DENND5A: variants seen among roughly 807,000 people sequenced by gnomAD.
DENND5A encodes the protein DENN domain containing 5A, also known as DENN domain-containing protein 5A.
A neutral mutation model predicts 140.3 loss-of-function variants in DENND5A; 64 were observed. The observed-to-expected ratio is 0.46, with a 90% CI of 0.37 to 0.56. The LOEUF is 0.56. DENND5A is among the 20% of genes least tolerant of loss of function. DENND5A has a pLI of 0.00. For synonymous variants in DENND5A, 605 were observed against 607.7 expected (o/e 1.00, Z 0.07); for missense variants, 1,292 against 1,593.8 (o/e 0.81, Z 3.22).
chr11:9,152,335 C>T lies in DENND5A; in HGVS notation c.2521+23G>A, dbSNP rs188286487. ...TGGAAAAGTGGAGAGAGGGCAGACT[C>T]TCCATTGCAGAGACTATCTTACCTG... On this transcript the variant is annotated intron_variant, in intron 13 of 22. Coordinates refer to ENST00000328194, the MANE Select transcript of DENND5A (RefSeq NM_015213.4). The T allele has an allele frequency of 4.3e-5, 66 of 1,544,384 alleles. No homozygotes were observed. In the African/African-American group the frequency reaches 7.6e-4, roughly 18 times the overall value.
chr11:9,206,596 T>A, intron 3 of DENND5A, 77 bp downstream of exon 3: 1 of 1,043,992 alleles, frequency 9.6e-7, no homozygotes, highest in Non-Finnish European at 1.5e-6. Flanking sequence ...GCACCACTGC[T>A]ACCACAGCCT....
At chr11:9,139,945 C>T in intron 22 of DENND5A, 91 bp from the exon 23 acceptor site, 1 of 1,329,312 alleles carries the variant, frequency 7.5e-7, no homozygotes, top group East Asian at 2.4e-5. Flanking sequence ...AAACCATGAA[C>T]TAAGTCTGAA....
chr11:9,259,755 G>A (rs956192368), intron 1 of DENND5A, among the ~76,000 whole-genome samples: 1 of 152,050 alleles, frequency 6.6e-6, no homozygotes, highest in Non-Finnish European at 1.5e-5. Flanking sequence ...CAGGCCAGGC[G>A]AAGCGGCTCA....
intron 12 of DENND5A, among the ~76,000 whole-genome samples, chr11:9,157,906 T>C (rs1390306491): frequency 6.6e-6 from 1 of 152,244 alleles, no homozygotes; most frequent in East Asian, 1.9e-4. Context: ...TTATTTAAAG[T>C]CATCCAGTGG....
At chr11:9,263,377 C>T (rs1280233310) in intron 1 of DENND5A, among the ~76,000 whole-genome samples, 1 of 151,548 alleles carries the variant, frequency 6.6e-6, no homozygotes, top group Non-Finnish European at 1.5e-5. Flanking sequence ...CGCGCCACGA[C>T]GCCCGGCTAA....
At chr11:9,207,963 C>T (rs925403816) in intron 1 of DENND5A, among the ~76,000 whole-genome samples, 2 of 152,102 alleles carry the variant, frequency 1.3e-5, no homozygotes, top group Non-Finnish European at 2.9e-5. Flanking sequence ...ACTATAAAGT[C>T]ACTAGTGCTT....
intron 12 of DENND5A, among the ~76,000 whole-genome samples, chr11:9,154,507 C>T (rs780028006): frequency 6.6e-6 from 1 of 151,802 alleles, no homozygotes; most frequent in South Asian, 2.1e-4. Context: ...TGTTTCTATT[C>T]ACAAACTTGA....
chr11:9,185,215 A>C (rs1848869167), intron 5 of DENND5A, among the ~76,000 whole-genome samples: 1 of 152,024 alleles, frequency 6.6e-6, no homozygotes, highest in Non-Finnish European at 1.5e-5. Context: ...CCCAATTATC[A>C]ATCTTTTATT....
intron 1 of DENND5A, among the ~76,000 whole-genome samples, chr11:9,228,031 T>C (rs1047309543): frequency 4.2e-5 from 6 of 141,480 alleles, no homozygotes; most frequent in Non-Finnish European, 9.0e-5. Flanking sequence ...GAGAATCATT[T>C]GAACCCAGGA....
intron 1 of DENND5A, among the ~76,000 whole-genome samples, chr11:9,239,242 C>T (rs1048893426): frequency 1.1e-4 from 16 of 151,666 alleles, no homozygotes; most frequent in African/African-American, 2.4e-4. Context: ...ACGTTGCCCA[C>T]GCTGGACTCA....
intron 20 of DENND5A, chr11:9,143,073 GGAGATTCT>G (rs1847300573): frequency 6.5e-6 from 4 of 612,976 alleles, no homozygotes; most frequent in Non-Finnish European, 1.1e-5. Context: ...TCACACACAA[GGAGATTCT>G]CCACTGGAGG....
intron 17 of DENND5A, 114 bp downstream of exon 17, chr11:9,145,556 C>T: frequency 8.6e-7 from 1 of 1,164,374 alleles, no homozygotes; most frequent in Non-Finnish European, 1.2e-6. Context: ...GTCAGCTATG[C>T]TGAAGCATTA....
intron 1 of DENND5A, among the ~76,000 whole-genome samples, chr11:9,220,623 TGGCTCAC>T (rs1482509091): frequency 2.0e-5 from 3 of 151,782 alleles, no homozygotes; most frequent in African/African-American, 7.3e-5. Flanking sequence ...CGGGCACAGG[TGGCTCAC>T]ACCTATAATC....
In DENND5A at chr11:9,206,467, A is replaced by C. The variant is rs546470506; in HGVS notation, c.291+206T>G. The stretch of plus-strand genomic sequence containing the variant: ...TATGTATTTCTCTGACACAACAGAA[A>C]CACATTATAACTTTTAGCATATTTA... On this transcript the variant is annotated intron_variant, in intron 3 of 22. Coordinates refer to ENST00000328194, the MANE Select transcript of DENND5A (RefSeq NM_015213.4). Among the ~76,000 whole-genome samples the C allele has an allele frequency of 1.1e-4, 16 of 152,330 alleles. 2 individuals are homozygous for C. In the South Asian group the frequency reaches 3.1e-3, roughly 30 times the overall value.
intron 4 of DENND5A, among the ~76,000 whole-genome samples, chr11:9,199,533 A>C (rs1257142791): frequency 6.6e-6 from 1 of 152,228 alleles, no homozygotes; most frequent in Admixed American, 6.5e-5. Flanking sequence ...CAACCAATTA[A>C]AAATTATGCT....
In DENND5A at chr11:9,203,901, A is replaced by C. The variant is rs1849603811; in HGVS notation, c.708T>G (p.Pro236=). 6.2e-7 allele frequency: 1 copy of C among 1,613,932 alleles called. No individual in the cohort carries two copies. Among genetic ancestry groups the C allele is most frequent in the Admixed American group, 1.7e-5 (1 of 59,976 alleles). The change falls in exon 4 of 23, where the codon CCT becomes CCG. Residue 236 remains proline, a synonymous_variant. Transcript: ENST00000328194. ...ATATGTAGCTCTCAAGGGGCAGTGGAGGGGGCTGAGGTGAAGTGACTGCCT... is the reference window on the plus strand; with the variant it reads ...ATATGTAGCTCTCAAGGGGCAGTGGCGGGGGCTGAGGTGAAGTGACTGCCT... The part of the protein sequence containing the change: ...LHQAVTSPQP[P]PLPLESYIYN...
intron 13 of DENND5A, among the ~76,000 whole-genome samples, chr11:9,151,411 C>T (rs1847611260): frequency 6.6e-6 from 1 of 152,108 alleles, no homozygotes; most frequent in Admixed American, 6.5e-5. Flanking sequence ...TAATAAGAAC[C>T]TGCTTTTACA....
intron 1 of DENND5A, among the ~76,000 whole-genome samples, chr11:9,254,030 C>T (rs971038177): frequency 9.9e-5 from 15 of 152,086 alleles, no homozygotes; most frequent in African/African-American, 3.6e-4. Flanking sequence ...GTGGCGCATG[C>T]CTATAATCCC....
At chr11:9,247,319 C>T (rs1337783530) in intron 1 of DENND5A, among the ~76,000 whole-genome samples, 1 of 151,918 alleles carries the variant, frequency 6.6e-6, no homozygotes, top group Non-Finnish European at 1.5e-5. Flanking sequence ...GCTTGGCACC[C>T]TGCAGTAAAA....
Sources: allele counts gnomAD v4.1 joint callset (sites outside exome capture counted in the v4.1 genomes callset), GRCh38; gene constraint gnomAD v4.1.1; transcripts MANE v1.5; gene names NCBI Gene and HGNC (gene_info 2026-07-23, HGNC 2026-07-21).